ST7: variants seen among roughly 807,000 people sequenced by gnomAD.
The protein encoded by ST7 is suppression of tumorigenicity 7.
ST7 carries 28 observed loss-of-function variants against 78.7 expected under a neutral mutation model. The observed-to-expected ratio is 0.36, with a 90% CI of 0.26 to 0.49. ST7 has a LOEUF of 0.49. Ranked by LOEUF, ST7 falls within the 20% of genes least tolerant of loss-of-function variation. ST7 has a pLI of 0.99. For synonymous variants in ST7, 247 were observed against 249.6 expected, an observed-to-expected ratio of 0.99 and a Z score of 0.10; for missense variants, 418 against 696.0, an observed-to-expected ratio of 0.60 and a Z score of 4.49.
At chr7:117,117,541 A>G (rs1381105059) in intron 2 of ST7, among the ~76,000 whole-genome samples, 1 of 152,122 alleles carries the variant, frequency 6.6e-6, no homozygotes, top group Non-Finnish European at 1.5e-5. Context: ...CCATGAATCT[A>G]TTGAGGGCCT....
intron 9 of ST7, among the ~76,000 whole-genome samples, chr7:117,140,622 C>T (rs2117084795): frequency 6.6e-6 from 1 of 152,120 alleles, no homozygotes; most frequent in East Asian, 1.9e-4. Context: ...CAGTTAATTT[C>T]TCTCTTCCTC....
chr7:117,223,870 C>A, intron 15 of ST7: 1 of 836,620 alleles, frequency 1.2e-6, no homozygotes, highest in Non-Finnish European at 1.4e-6. Flanking sequence ...GTGCCTTGCT[C>A]ATAGTAGGTT....
At chr7:117,198,165 G>A (rs527958133) in intron 12 of ST7, among the ~76,000 whole-genome samples, 1 of 152,306 alleles carries the variant, frequency 6.6e-6, no homozygotes, top group East Asian at 1.9e-4. Context: ...GCCCATTCTT[G>A]TTTTGATAAA....
At chr7:117,134,058 T>C (rs368336745) in intron 6 of ST7, 66 bp from the exon 7 acceptor site, 158 of 1,594,612 alleles carry the variant, frequency 9.9e-5, no homozygotes, top group Non-Finnish European at 1.2e-4. Flanking sequence ...CGAAATGACA[T>C]AGTGACTCTC....
intron 7 of ST7, among the ~76,000 whole-genome samples, chr7:117,135,076 G>A (rs1804676072): frequency 6.6e-6 from 1 of 152,040 alleles, no homozygotes; most frequent in Non-Finnish European, 1.5e-5. Context: ...AATAAGTAGG[G>A]AAATGGCCAC....
intron 9 of ST7, among the ~76,000 whole-genome samples, chr7:117,163,750 ACT>A (rs1322307484): frequency 1.3e-5 from 2 of 151,932 alleles, no homozygotes; most frequent in Non-Finnish European, 2.9e-5. Flanking sequence ...CCGTCTTTTA[ACT>A]CTGTTGTTTC....
intron 9 of ST7, among the ~76,000 whole-genome samples, chr7:117,157,572 G>A (rs1370774879): frequency 2.0e-5 from 3 of 152,170 alleles, no homozygotes; most frequent in African/African-American, 7.2e-5. Flanking sequence ...ATGAATATTT[G>A]TTAACTGTGC....
chr7:117,105,060 G>A (rs1801847464), intron 2 of ST7, among the ~76,000 whole-genome samples: 1 of 152,164 alleles, frequency 6.6e-6, no homozygotes. Context: ...TAGGGAGAAT[G>A]ATTGAATCAG....
intron 1 of ST7, among the ~76,000 whole-genome samples, chr7:117,011,393 T>C (rs1208681267): frequency 6.6e-6 from 1 of 152,202 alleles, no homozygotes; most frequent in African/African-American, 2.4e-5. Context: ...CAGCAGGAGT[T>C]ACTTGAGTTT....
intron 13 of ST7, among the ~76,000 whole-genome samples, chr7:117,213,229 T>C (rs1792431393): frequency 6.6e-6 from 1 of 152,206 alleles, no homozygotes; most frequent in Non-Finnish European, 1.5e-5. Flanking sequence ...CCTCATAGTT[T>C]AGGTTTTTCT....
intron 1 of ST7, chr7:116,955,224 A>G (rs1792396429): frequency 2.4e-5 from 10 of 415,756 alleles, no homozygotes; most frequent in South Asian, 1.7e-4. Flanking sequence ...ATATGTTTTA[A>G]TGGAATTACG....
At chr7:117,056,283 G>T (rs755391040) in intron 1 of ST7, among the ~76,000 whole-genome samples, 2 of 152,174 alleles carry the variant, frequency 1.3e-5, no homozygotes, top group African/African-American at 2.4e-5. Context: ...AAGGGTTTTT[G>T]TGCAGTGCTG....
At position 117,219,967 on chromosome 7, in the gene ST7, G is replaced by T. The variant is rs556029258; in HGVS notation, c.1498+791G>T. On this transcript the variant is annotated intron_variant, in intron 14 of 15. Coordinates refer to ENST00000323984, the MANE Select transcript of ST7 (RefSeq NM_001369598.1). The surrounding 1 kb of genome is among the most constrained non-coding windows in gnomAD (Gnocchi z 5.1). ...AGGCTCTTCATGTGGCCCAGACTTA[G>T]GATATATTTTTCTCCCTCAGATAAT... 6.6e-6 allele frequency among the ~76,000 whole-genome samples: 1 copy of T among 152,284 alleles called. No individual in the cohort carries two copies. The highest frequency in any genetic ancestry group is 6.5e-5 in the Admixed American group (1 of 15,300).
At chr7:117,009,406 C>T (rs1795294262) in intron 1 of ST7, among the ~76,000 whole-genome samples, 1 of 151,946 alleles carries the variant, frequency 6.6e-6, no homozygotes, top group Non-Finnish European at 1.5e-5. Context: ...TGTGGTTTGC[C>T]TAAAGAAGCT....
intron 12 of ST7, among the ~76,000 whole-genome samples, chr7:117,194,464 C>T (rs918116584): frequency 8.5e-5 from 13 of 152,328 alleles, no homozygotes; most frequent in Admixed American, 7.8e-4. Flanking sequence ...CAGAAGTAGT[C>T]TGTCTCCTCC....
chr7:116,969,967 C>G (rs1364682147), intron 1 of ST7, among the ~76,000 whole-genome samples: 1 of 152,032 alleles, frequency 6.6e-6, no homozygotes, highest in African/African-American at 2.4e-5. Flanking sequence ...CTCAGCTACT[C>G]GGGAGACTGA....
chr7:117,160,185 A>G (rs976746283), intron 9 of ST7, among the ~76,000 whole-genome samples: 6 of 150,324 alleles, frequency 4.0e-5, no homozygotes, highest in African/African-American at 1.5e-4. Context: ...GTGAGCCAAG[A>G]TTGCCCCACT....
At chr7:117,152,105 T>C (rs1469731471) in intron 9 of ST7, among the ~76,000 whole-genome samples, 1 of 133,492 alleles carries the variant, frequency 7.5e-6, no homozygotes, top group Non-Finnish European at 1.5e-5. Flanking sequence ...GGTGACAGAG[T>C]GAGACACCAT....
At chr7:117,199,085 A>C (rs1810576709) in intron 12 of ST7, 1 of 152,164 alleles carries the variant, frequency 6.6e-6, no homozygotes, top group African/African-American at 2.4e-5. Flanking sequence ...TACTTCTACC[A>C]ATTGGAGCTG....
Sources: allele counts gnomAD v4.1 joint callset (sites outside exome capture counted in the v4.1 genomes callset), GRCh38; gene constraint gnomAD v4.1.1; non-coding constraint Gnocchi (gnomAD v3.1); transcripts MANE v1.5; gene names NCBI Gene and HGNC (gene_info 2026-07-23, HGNC 2026-07-21).